The following GREB1 variants were observed in gnomAD, a reference collection of about 807,000 sequenced individuals.
GREB1 encodes protein GREB1.
Under a neutral mutation model 200.7 loss-of-function variants are expected in GREB1, and 106 were observed. The observed-to-expected ratio is 0.53, with a 90% CI of 0.45 to 0.62. GREB1 has a LOEUF of 0.62. GREB1 is among the 20% of genes least tolerant of loss of function. The probability of loss-of-function intolerance (pLI) is 0.00; values close to 1 mark genes in which losing one functional copy is unlikely to be tolerated. For missense variants in GREB1, 2,243 were observed against 2,556.8 expected (o/e 0.88, Z 2.65); for synonymous variants, 1,132 against 1,092.4 (o/e 1.04, Z -0.72).
chr2:11,598,863 T>C lies in GREB1; in HGVS notation c.2333+3T>C. The C allele has an allele frequency of 1.2e-6, 2 of 1,611,148 alleles. No homozygotes were observed. Among genetic ancestry groups the C allele is most frequent in the African/African-American group, 2.7e-5 (2 of 74,986 alleles). On this transcript the variant is annotated splice_donor_region_variant and intron_variant, in intron 15 of 32. Coordinates refer to ENST00000381486, the MANE Select transcript of GREB1 (RefSeq NM_014668.4). ...CATGCGCACTGGGATCTTGTGAGGTTAGATTGACTTGATATATGACAAGTT... is the reference window on the plus strand; with the variant it reads ...CATGCGCACTGGGATCTTGTGAGGTCAGATTGACTTGATATATGACAAGTT...
chr2:11,585,893 G>C lies in GREB1; in HGVS notation c.1147G>C (p.Val383Leu). ...GCTGAAAATATGCAAGGCCAAGCCAGTGATATTTAAAGGCAAGTACAGCAG... is the reference window on the plus strand; with the variant it reads ...GCTGAAAATATGCAAGGCCAAGCCACTGATATTTAAAGGCAAGTACAGCAG... ...NLLKICKAKP[V>L]IFKGHGNFPY... is the part of the protein sequence containing the mutation. Residue 383 changes from valine to leucine, a missense_variant, in exon 9 of 33, where the codon GTG becomes CTG. Val to Leu is a conservative substitution (Grantham distance 32, BLOSUM62 1). This residue lies in a region of GREB1 where 1,178 missense variants were observed against 1,387.4 expected (regional missense o/e 0.85). Transcript: ENST00000381486. 6.2e-7 allele frequency: 1 copy of C among 1,613,986 alleles called. No homozygotes were observed. The highest frequency in any genetic ancestry group is 1.1e-5 in the South Asian group (1 of 91,070).
intron 1 of GREB1, among the ~76,000 whole-genome samples, chr2:11,516,143 T>A (rs1673490457): frequency 6.6e-6 from 1 of 152,180 alleles, no homozygotes; most frequent in South Asian, 2.1e-4. Context: ...GACTTGGACA[T>A]CACTCTGCTT....
chr2:11,585,220 C>T lies in GREB1; in HGVS notation c.961C>T (p.Pro321Ser), dbSNP rs1340819908. 1.3e-6 allele frequency: 2 copies of T among 1,583,634 alleles called. No homozygotes were observed. The highest frequency in any genetic ancestry group is 8.6e-7 in the Non-Finnish European group (1 of 1,167,896). Residue 321 changes from proline to serine, a missense_variant, in exon 8 of 33, where the codon CCA (proline) becomes TCA (serine). Transcript: ENST00000381486. ...CCACAAAGGGTGGTCTCCAGAATCT[C>T]CATCAGCTCCAGATGGTGGCTGCCC... ...KRHKGWSPES[P>S]SAPDGGCPQG...
chr2:11,525,141 A>G lies in GREB1; in HGVS notation c.-158-31316A>G, dbSNP rs1251784632. On this transcript the variant is annotated intron_variant, in intron 1 of 2. Transcript: ENST00000628795. ...CATGCAGCCAAATATGATTATTGATACGTGAGGTGCTTCTCTGAACTCATA... is the reference window on the plus strand; with the variant it reads ...CATGCAGCCAAATATGATTATTGATGCGTGAGGTGCTTCTCTGAACTCATA... Among the ~76,000 whole-genome samples the G allele has an allele frequency of 4.6e-5, 7 of 152,170 alleles. No individual in the cohort carries two copies. In the East Asian group the frequency reaches 1.3e-3, roughly 29 times the overall value.
chr2:11,625,189 C>A lies in GREB1; in HGVS notation c.4183C>A (p.Leu1395Ile). Residue 1395 changes from leucine to isoleucine, a missense_variant, in exon 24 of 33, where the codon CTT (leucine) becomes ATT (isoleucine). Coordinates refer to ENST00000381486, the MANE Select transcript of GREB1 (RefSeq NM_014668.4). The stretch of plus-strand genomic sequence containing the variant: ...AGAATCTGACTGGCATTATCTCCAG[C>A]TTAGCGACCCCTGGCCAGACCTGGA... Reference protein sequence around the residue: ...REESDWHYLQLSDPWPDLELF... With the variant: ...REESDWHYLQISDPWPDLELF... 6.2e-7 allele frequency: 1 copy of A among 1,613,878 alleles called. No individual in the cohort carries two copies. The highest frequency in any genetic ancestry group is 1.1e-5 in the South Asian group (1 of 91,078).
intron 19 of GREB1, among the ~76,000 whole-genome samples, chr2:11,614,124 G>GTT (rs1558636075): frequency 3.0e-5 from 4 of 133,398 alleles, no homozygotes; most frequent in Non-Finnish European, 4.6e-5. Context: ...AGCGGACTTA[G>GTT]ATTTTTTTTT....
At chr2:11,537,489 A>G (rs537493003) in intron 1 of GREB1, among the ~76,000 whole-genome samples, 2 of 151,926 alleles carry the variant, frequency 1.3e-5, no homozygotes, top group South Asian at 4.2e-4. Flanking sequence ...CATAAAGGTT[A>G]AGTAACTTGC....
chr2:11,588,430 T>G (rs977541544), intron 9 of GREB1: 1 of 471,158 alleles, frequency 2.1e-6, no homozygotes, highest in Non-Finnish European at 3.6e-6. Context: ...GCTGGAGGAG[T>G]GACAGGTGGC....
chr2:11,560,811 A>G (rs576182498), intron 2 of GREB1, among the ~76,000 whole-genome samples: 32 of 152,288 alleles, frequency 2.1e-4, no homozygotes, highest in Non-Finnish European at 2.2e-4. Flanking sequence ...TTATTAAATG[A>G]CATTTAAAGA....
intron 23 of GREB1, among the ~76,000 whole-genome samples, chr2:11,622,693 C>T (rs559857719): frequency 2.0e-5 from 3 of 152,144 alleles, no homozygotes; most frequent in Non-Finnish European, 4.4e-5. Flanking sequence ...AGGAGCTGAG[C>T]CATACTGGCT....
chr2:11,614,712 C>T (rs1290398807), intron 19 of GREB1, among the ~76,000 whole-genome samples: 3 of 151,766 alleles, frequency 2.0e-5, no homozygotes, highest in Admixed American at 6.6e-5. Flanking sequence ...TACAGGCGCC[C>T]GCCACCACGC....
intron 1 of GREB1, among the ~76,000 whole-genome samples, chr2:11,489,343 C>G (rs1467818385): frequency 6.6e-6 from 1 of 152,184 alleles, no homozygotes; most frequent in Non-Finnish European, 1.5e-5. Context: ...CCTGTAATCC[C>G]AGCTACTTGG....
rs547334915 is a variant in GREB1 at position 11,580,304 on chromosome 2, A to T, written c.773-400A>T. On this transcript the variant is annotated intron_variant, in intron 6 of 32. Coordinates refer to ENST00000381486, the MANE Select transcript of GREB1 (RefSeq NM_014668.4). The surrounding 1 kb of genome is among the most constrained non-coding windows in gnomAD (Gnocchi z 4.5). Reference sequence around the variant, plus strand: ...AGGTAGAAGGAAGCAGAACAGTTTCAGGTGTGGTCCTGGAATTCAGGAAGT... The same window carrying T: ...AGGTAGAAGGAAGCAGAACAGTTTCTGGTGTGGTCCTGGAATTCAGGAAGT... Among the ~76,000 whole-genome samples, 29 of 152,320 alleles carry T rather than the reference A, an allele frequency of 1.9e-4. No individual in the cohort carries two copies. Among genetic ancestry groups the T allele is most frequent in the Non-Finnish European group, 5.9e-5 (4 of 68,028 alleles).
At chr2:11,557,789 C>T (rs185414850) in intron 2 of GREB1, among the ~76,000 whole-genome samples, 3 of 152,320 alleles carry the variant, frequency 2.0e-5, no homozygotes. Flanking sequence ...AGAAACTAGA[C>T]TGTGGTCAAA....
Position 11,554,418 on chromosome 2 carries a change from G to A in GREB1, c.-161-2036G>A, listed in dbSNP as rs574493524. On this transcript the variant is annotated intron_variant, in intron 1 of 32. Transcript: ENST00000381486. ...TGACTCTACCAGTTATTATACCTTCGGGAGGGAAAGCAGAACTCTTTCAGG... is the reference window on the plus strand; with the variant it reads ...TGACTCTACCAGTTATTATACCTTCAGGAGGGAAAGCAGAACTCTTTCAGG... 7.9e-5 allele frequency among the ~76,000 whole-genome samples: 12 copies of A among 152,286 alleles called. No individual in the cohort carries two copies. In the South Asian group the frequency reaches 8.3e-4, roughly 11 times the overall value.
intron 1 of GREB1, among the ~76,000 whole-genome samples, chr2:11,510,945 T>G (rs1673332714): frequency 6.6e-6 from 1 of 152,194 alleles, no homozygotes; most frequent in Non-Finnish European, 1.5e-5. Flanking sequence ...AGTGCTGGGA[T>G]TACAGGCATG....
Position 11,597,966 on chromosome 2 carries a change from G to A in GREB1, c.2140G>A (p.Val714Met), listed in dbSNP as rs772953684. 3.1e-6 allele frequency: 5 copies of A among 1,612,974 alleles called. No homozygotes were observed. The highest frequency in any genetic ancestry group is 4.2e-6 in the Non-Finnish European group (5 of 1,179,134). The change falls in exon 14 of 33, where the codon GTG becomes ATG. Residue 714 changes from valine (V) to methionine (M), a missense_variant. Val to Met is a conservative substitution (Grantham distance 21). This residue lies in a region of GREB1 where 1,178 missense variants were observed against 1,387.4 expected (regional missense o/e 0.85). Coordinates refer to ENST00000381486, the MANE Select transcript of GREB1 (RefSeq NM_014668.4). This position sits in a 1 kb window ranked among gnomAD's most constrained non-coding sequence, Gnocchi z 4.1. ...EVTYQQTLLH[V>M]WHSGVLLELG... is the part of the protein sequence containing the mutation. Reference sequence around the variant, plus strand: ...GACCTACCAGCAGACTCTGCTCCATGTGTGGCATTCAGGTATGGGGCATTT... The same window carrying A: ...GACCTACCAGCAGACTCTGCTCCATATGTGGCATTCAGGTATGGGGCATTT...
At chr2:11,506,172 C>G (rs1673179138) in intron 1 of GREB1, among the ~76,000 whole-genome samples, 1 of 152,230 alleles carries the variant, frequency 6.6e-6, no homozygotes, top group Non-Finnish European at 1.5e-5. Context: ...CTAACATTCT[C>G]TGTGGTCTGG....
rs759943953 is a variant in GREB1 at position 11,580,971 on chromosome 2, C to T, written c.901+139C>T. The T allele has an allele frequency of 4.4e-5, 46 of 1,047,922 alleles. No homozygotes were observed. Among genetic ancestry groups the T allele is most frequent in the Non-Finnish European group, 6.1e-5 (42 of 684,800 alleles). 64.9% of individuals were successfully genotyped at this position (1,047,922 alleles called of 1,614,324 possible). ...GCTTCCATGAGAGTCAGGCCAGGACCACAGGTGCCTCCTGAGTCCGTGGGT... is the reference window on the plus strand; with the variant it reads ...GCTTCCATGAGAGTCAGGCCAGGACTACAGGTGCCTCCTGAGTCCGTGGGT... On this transcript the variant is annotated intron_variant, in intron 7 of 32. Coordinates refer to ENST00000381486, the MANE Select transcript of GREB1 (RefSeq NM_014668.4). This position sits in a 1 kb window ranked among gnomAD's most constrained non-coding sequence, Gnocchi z 4.5.
Sources: allele counts gnomAD v4.1 joint callset (sites outside exome capture counted in the v4.1 genomes callset), GRCh38; gene constraint gnomAD v4.1.1; regional missense constraint gnomAD v4.1.1; non-coding constraint Gnocchi (gnomAD v3.1); transcripts MANE v1.5; gene names NCBI Gene and HGNC (gene_info 2026-07-23, HGNC 2026-07-21).